MALRD1: variants seen among roughly 807,000 people sequenced by gnomAD.
The protein encoded by MALRD1 is MAM and LDL receptor class A domain containing 1.
In MALRD1, 247 loss-of-function variants were observed where a neutral mutation model predicts 242.1. The ratio of observed to expected loss-of-function variants is 1.02; its 90% CI spans 0.92 to 1.13. The LOEUF is 1.13. Ranked by LOEUF, MALRD1 falls within the 50% of genes most tolerant of loss-of-function variation. MALRD1 has a pLI of 0.00. For missense variants in MALRD1, 2,989 were observed against 2,533.1 expected (o/e 1.18, Z -3.86); for synonymous variants, 995 against 866.6 (o/e 1.15, Z -2.60).
Position 19,583,759 on chromosome 10 carries a change from C to T in MALRD1, c.5681-11435C>T, listed in dbSNP as rs1452913108. On this transcript the variant is annotated intron_variant, in intron 33 of 39. Transcript: ENST00000454679. ...CTCATAAAATGAGTTAGGGAGGATT[C>T]CCTCTTTTTCTATTGATTGGAATAG... 3.2e-3 allele frequency among the ~76,000 whole-genome samples: 484 copies of T among 151,212 alleles called. 1 individual carries two copies. Among genetic ancestry groups the T allele is most frequent in the Non-Finnish European group, 5.4e-3 (366 of 67,484 alleles).
Position 19,626,784 on chromosome 10 carries a change from A to G in MALRD1, c.6137+10861A>G, listed in dbSNP as rs538219374. Among the ~76,000 whole-genome samples the G allele has an allele frequency of 3.8e-4, 58 of 152,226 alleles. 1 individual carries two copies. The highest frequency in any genetic ancestry group is 3.5e-3 in the South Asian group (17 of 4,826). ...TAGAGTTAGTGATTTTCAATATTGC[A>G]CAAATGACCATTAGCCAATTAATTA... On this transcript the variant is annotated intron_variant, in intron 36 of 39. Coordinates refer to ENST00000454679, the MANE Select transcript of MALRD1 (RefSeq NM_001142308.3).
chr10:19,493,524 C>G (rs1476449204), intron 30 of MALRD1, among the ~76,000 whole-genome samples: 1 of 151,586 alleles, frequency 6.6e-6, no homozygotes, highest in Non-Finnish European at 1.5e-5. Flanking sequence ...CTTTTAAATT[C>G]ACCGGCCAGG....
chr10:19,237,567 A>T lies in MALRD1; in HGVS notation c.2992-20117A>T, dbSNP rs1221310844. ...ATGTATAATTATAATTACACATAAA[A>T]TTATATATAATTATAATTATATAAT... On this transcript the variant is annotated intron_variant, in intron 18 of 39. Coordinates refer to ENST00000454679, the MANE Select transcript of MALRD1 (RefSeq NM_001142308.3). Among the ~76,000 whole-genome samples the T allele has an allele frequency of 3.6e-3, 401 of 110,800 alleles. 1 individual carries two copies. Among genetic ancestry groups the T allele is most frequent in the Non-Finnish European group, 5.9e-3 (332 of 56,248 alleles). The allele number at this position is 110,800 out of a possible 152,430, so 72.7% of individuals were successfully genotyped here. A position where few individuals can be genotyped will look rare whatever the true frequency, so the allele number is the denominator to read the frequency against.
chr10:19,657,856 G>C (rs114035840), intron 36 of MALRD1, among the ~76,000 whole-genome samples: 1,660 of 152,058 alleles, frequency 0.011, 33 homozygotes, highest in African/African-American at 0.038. Flanking sequence ...TTAAATACAC[G>C]ACTAATTTTG....
intron 21 of MALRD1, among the ~76,000 whole-genome samples, chr10:19,293,175 T>G (rs1841530577): frequency 6.6e-6 from 1 of 152,176 alleles, no homozygotes; most frequent in Non-Finnish European, 1.5e-5. Flanking sequence ...TCAAGACTTT[T>G]AACTAAAATA....
chr10:19,627,023 G>T (rs1238259259), intron 36 of MALRD1, among the ~76,000 whole-genome samples: 1 of 151,968 alleles, frequency 6.6e-6, no homozygotes, highest in Non-Finnish European at 1.5e-5. Flanking sequence ...ACTTGGAAAA[G>T]AATAAAAAGT....
chr10:19,587,480 A>T (rs765681262), intron 33 of MALRD1, among the ~76,000 whole-genome samples: 3 of 152,252 alleles, frequency 2.0e-5, no homozygotes, highest in Non-Finnish European at 4.4e-5. Context: ...CATATTAATC[A>T]TAAAGGTAAA....
intron 27 of MALRD1, chr10:19,389,068 G>A (rs141622242): frequency 2.1e-4 from 72 of 350,528 alleles, no homozygotes; most frequent in African/African-American, 1.4e-3. Flanking sequence ...CTCAAGAGAT[G>A]ACTAAATTTT....
intron 18 of MALRD1, among the ~76,000 whole-genome samples, chr10:19,234,670 A>G (rs960705133): frequency 6.6e-6 from 1 of 152,160 alleles, no homozygotes; most frequent in Non-Finnish European, 1.5e-5. Flanking sequence ...TGGTATAGAT[A>G]TAATCTTTTG....
intron 33 of MALRD1, among the ~76,000 whole-genome samples, chr10:19,594,481 A>G (rs1277171668): frequency 6.6e-6 from 1 of 152,182 alleles, no homozygotes; most frequent in Non-Finnish European, 1.5e-5. Context: ...CAATCTCACT[A>G]CTGGGTATCT....
chr10:19,611,571 C>T (rs920841489), intron 35 of MALRD1, among the ~76,000 whole-genome samples: 1 of 151,938 alleles, frequency 6.6e-6, no homozygotes, highest in Admixed American at 6.6e-5. Flanking sequence ...AGAGACATTG[C>T]TGTGGCTAAA....
chr10:19,327,136 A>G (rs1016017471), intron 22 of MALRD1, among the ~76,000 whole-genome samples: 3 of 152,104 alleles, frequency 2.0e-5, no homozygotes, highest in Non-Finnish European at 4.4e-5. Flanking sequence ...ACATTGTAAC[A>G]TTACTGCCTC....
At chr10:19,244,578 A>C (rs1838956813) in intron 18 of MALRD1, among the ~76,000 whole-genome samples, 1 of 152,060 alleles carries the variant, frequency 6.6e-6, no homozygotes, top group Admixed American at 6.6e-5. Context: ...AAAACAAAAA[A>C]AATCTAGTGA....
intron 29 of MALRD1, among the ~76,000 whole-genome samples, chr10:19,477,539 C>A (rs918262996): frequency 1.3e-5 from 2 of 152,168 alleles, no homozygotes; most frequent in Non-Finnish European, 2.9e-5. Context: ...TTGTCTGGGG[C>A]AAACACCTGG....
intron 29 of MALRD1, among the ~76,000 whole-genome samples, chr10:19,481,220 C>G (rs889858708): frequency 6.6e-6 from 1 of 152,116 alleles, no homozygotes; most frequent in Non-Finnish European, 1.5e-5. Context: ...TCCAGTAACT[C>G]TGATAACACC....
At chr10:19,137,209 G>A (rs1833375274) in intron 10 of MALRD1, among the ~76,000 whole-genome samples, 1 of 151,996 alleles carries the variant, frequency 6.6e-6, no homozygotes, top group African/African-American at 2.4e-5. Context: ...TGAGTAGGAG[G>A]AGGGTGGCCC....
chr10:19,559,977 G>C (rs10827570), intron 32 of MALRD1, among the ~76,000 whole-genome samples: 96,142 of 151,992 alleles, frequency 0.63, 34,454 homozygotes, highest in Non-Finnish European at 0.78. Context: ...TCATTAAAAA[G>C]TCAGGAAACA....
At chr10:19,624,949 C>G (rs984261772) in intron 36 of MALRD1, among the ~76,000 whole-genome samples, 3 of 150,742 alleles carry the variant, frequency 2.0e-5, no homozygotes, top group African/African-American at 7.3e-5. Context: ...CACCTGTAAT[C>G]CTAGCACTTC....
Position 19,066,730 on chromosome 10 carries a change from G to T in MALRD1, c.211G>T (p.Glu71Ter). 2 of 1,233,706 alleles carry T rather than the reference G, an allele frequency of 1.6e-6. No individual in the cohort carries two copies. Among genetic ancestry groups the T allele is most frequent in the Non-Finnish European group, 2.0e-6 (2 of 988,008 alleles). 76.4% of individuals were successfully genotyped at this position (1,233,706 alleles called of 1,614,324 possible). Reference protein sequence around the residue: ...SSDERHCLNYERCDFEDGLCH... With the variant: ...SSDERHCLNY ...TTCTTTCTCATTAGGTTTGAATTAT[G>T]AAAGATGTGATTTTGAGGATGGTCT... The change falls in exon 2 of 40, where the codon GAA becomes TAA. Residue 71 changes from glutamate to a stop codon, truncating the protein, a stop_gained. Coordinates refer to ENST00000454679, the MANE Select transcript of MALRD1 (RefSeq NM_001142308.3). LOFTEE classifies it high-confidence loss of function.
Sources: gnomAD v4.1 joint callset for allele counts (sites outside exome capture counted in the v4.1 genomes callset) on GRCh38, gnomAD v4.1.1 for gene constraint, MANE v1.5 for transcripts, NCBI Gene and HGNC (gene_info 2026-07-23, HGNC 2026-07-21) for gene names.